Variants in LRRC17 observed in about 807,000 individuals in gnomAD.
The protein encoded by LRRC17 is leucine rich repeat containing 17.
In LRRC17, 33 loss-of-function variants were observed where a neutral mutation model predicts 41.5. That is an observed-to-expected ratio of 0.80 (90% confidence interval 0.60 to 1.06). The LOEUF (loss-of-function observed/expected upper bound fraction) is 1.06. Ranked by LOEUF, LRRC17 falls within the 50% of genes least tolerant of loss-of-function variation. The pLI is 0.00. For missense variants in LRRC17, 491 were observed against 519.3 expected (o/e 0.95, Z 0.53); for synonymous variants, 192 against 197.0 (o/e 0.97, Z 0.21).
chr7:102,926,541 CCAATG>C (rs1818170437), intron 1 of LRRC17, among the ~76,000 whole-genome samples: 2 of 152,142 alleles, frequency 1.3e-5, no homozygotes, highest in South Asian at 4.1e-4. Context: ...TAAATAGAAG[CCAATG>C]CTTTTGCTCA....
intron 1 of LRRC17, among the ~76,000 whole-genome samples, chr7:102,913,685 C>T (rs1247817760): frequency 6.6e-6 from 1 of 152,096 alleles, no homozygotes; most frequent in Non-Finnish European, 1.5e-5. Context: ...GGATTTGGGA[C>T]AGAAGGCAAA....
rs1053507873 is a variant in LRRC17 at position 102,944,135 on chromosome 7, G to A, written c.929-75G>A. On this transcript the variant is annotated intron_variant, in intron 3 of 3. Coordinates refer to ENST00000339431, the MANE Select transcript of LRRC17 (RefSeq NM_001031692.3). ...AAAATTAAGCCTCTTTTTAAAATTT[G>A]TATTTGTCCTTTCCATATGCCATAC... 9.0e-5 allele frequency: 104 copies of A among 1,154,144 alleles called. 1 individual carries two copies. The highest frequency in any genetic ancestry group is 1.2e-4 in the Non-Finnish European group (103 of 840,638). The allele number at this position is 1,154,144 out of a possible 1,614,324, so 71.5% of individuals were successfully genotyped here.
intron 1 of LRRC17, among the ~76,000 whole-genome samples, chr7:102,924,235 T>A (rs1817629188): frequency 7.1e-6 from 1 of 141,304 alleles, no homozygotes. Context: ...CAAAACTCCG[T>A]CTCAAAAAAA....
At chr7:102,925,947 A>C (rs1279225364) in intron 1 of LRRC17, among the ~76,000 whole-genome samples, 5 of 151,920 alleles carry the variant, frequency 3.3e-5, no homozygotes, top group African/African-American at 1.2e-4. Flanking sequence ...TCTCAAAAAA[A>C]AAAAAAAAAA....
intron 1 of LRRC17, among the ~76,000 whole-genome samples, chr7:102,916,517 C>G (rs1435303707): frequency 6.6e-6 from 1 of 152,138 alleles, no homozygotes; most frequent in African/African-American, 2.4e-5. Flanking sequence ...TTGGGTGGCC[C>G]TGTAGGCCTT....
chr7:102,913,541 G>A (rs978242386), intron 1 of LRRC17, among the ~76,000 whole-genome samples: 1 of 152,132 alleles, frequency 6.6e-6, no homozygotes, highest in African/African-American at 2.4e-5. Context: ...CATATTGTTT[G>A]GAAGTGAAAC....
In LRRC17 at chr7:102,944,309, A is replaced by G; in HGVS notation, c.1028A>G (p.Lys343Arg). Residue 343 changes from lysine to arginine, a missense_variant, in exon 4 of 4, where the codon AAA becomes AGA. Lys to Arg is a conservative substitution (Grantham distance 26). Transcript: ENST00000339431. ...GTATTAGAAGACTTGTATTTTTTGAAACTCTTGTGGCTCAGAGATAACCCT... is the reference window on the plus strand; with the variant it reads ...GTATTAGAAGACTTGTATTTTTTGAGACTCTTGTGGCTCAGAGATAACCCT... The part of the protein sequence containing the change: ...YGVLEDLYFL[K>R]LLWLRDNPWR... 1 of 1,613,992 alleles carries G rather than the reference A, an allele frequency of 6.2e-7. No individual in the cohort carries two copies. The highest frequency in any genetic ancestry group is 8.5e-7 in the Non-Finnish European group (1 of 1,179,942).
intron 1 of LRRC17, among the ~76,000 whole-genome samples, chr7:102,922,544 G>A (rs888114222): frequency 6.6e-6 from 1 of 151,956 alleles, no homozygotes; most frequent in African/African-American, 2.4e-5. Flanking sequence ...TGTGTAGCAC[G>A]CAACTTACAA....
chr7:102,942,144 C>G, intron 3 of LRRC17: 1 of 549,608 alleles, frequency 1.8e-6, no homozygotes, highest in Non-Finnish European at 3.3e-6. Flanking sequence ...GAACGTATTT[C>G]CTACATTAAT....
intron 3 of LRRC17, among the ~76,000 whole-genome samples, chr7:102,941,904 G>A (rs551678906): frequency 6.6e-6 from 1 of 152,290 alleles, no homozygotes; most frequent in East Asian, 1.9e-4. Context: ...AGATAATAGT[G>A]TAAAATGGAC....
At chr7:102,934,738 G>A in intron 2 of LRRC17, 53 bp downstream of exon 2, 2 of 1,441,768 alleles carry the variant, frequency 1.4e-6, no homozygotes, top group South Asian at 2.7e-5. Context: ...AATGCTCTTT[G>A]AATCTTATAA....
intron 3 of LRRC17, among the ~76,000 whole-genome samples, chr7:102,943,614 CAA>C (rs1219492495): frequency 6.6e-6 from 1 of 152,160 alleles, no homozygotes; most frequent in Non-Finnish European, 1.5e-5. Flanking sequence ...TAAGAGACTG[CAA>C]AGACTCTCGC....
At chr7:102,934,796 C>T in intron 2 of LRRC17, 111 bp downstream of exon 2, 1 of 984,990 alleles carries the variant, frequency 1.0e-6, no homozygotes, top group Non-Finnish European at 1.5e-6. Context: ...GTCACTTCCA[C>T]CAGAAATCCT....
Position 102,933,943 on chromosome 7 carries a change from C to T in LRRC17, c.30C>T (p.Leu10=). 1 of 1,612,002 alleles carries T rather than the reference C, an allele frequency of 6.2e-7. No homozygotes were observed. Among genetic ancestry groups the T allele is most frequent in the East Asian group, 2.2e-5 (1 of 44,808 alleles). Residue 10 remains leucine (L), a synonymous_variant, in exon 2 of 4, where the codon CTC becomes CTT. Transcript: ENST00000339431. The part of the protein sequence containing the change: MRVVTIVIL[L]CFCKAAELRK... ...GTGTGGTTACCATTGTAATCTTGCT[C>T]TGCTTTTGCAAAGCGGCTGAGCTGC...
intron 3 of LRRC17, among the ~76,000 whole-genome samples, chr7:102,940,663 A>C (rs1821245463): frequency 6.6e-6 from 1 of 152,260 alleles, no homozygotes; most frequent in Non-Finnish European, 1.5e-5. Flanking sequence ...GACATATTAT[A>C]TCTAGTTCTA....
At position 102,944,264 on chromosome 7, in the gene LRRC17, T is replaced by G. The variant is rs1250759442; in HGVS notation, c.983T>G (p.Leu328Arg). ...GAATTAGATTTATCAAACAACAGTCTGCAAAACTTTGACTATGGCGTATTA... is the reference window on the plus strand; with the variant it reads ...GAATTAGATTTATCAAACAACAGTCGGCAAAACTTTGACTATGGCGTATTA... ...LEELDLSNNS[L>R]QNFDYGVLED... The change falls in exon 4 of 4, where the codon CTG becomes CGG. Residue 328 changes from leucine (L) to arginine (R), a missense_variant. Physicochemically the swap from Leu to Arg is moderately radical, Grantham distance 102. Transcript: ENST00000339431. The G allele has an allele frequency of 4.3e-6, 7 of 1,613,098 alleles. No individual in the cohort carries two copies. Among genetic ancestry groups the G allele is most frequent in the African/African-American group, 1.3e-5 (1 of 74,894 alleles).
At chr7:102,914,113 T>C (rs1435361251) in intron 1 of LRRC17, among the ~76,000 whole-genome samples, 1 of 152,026 alleles carries the variant, frequency 6.6e-6, no homozygotes, top group African/African-American at 2.4e-5. Flanking sequence ...CCAGCTGGAG[T>C]ACAATGGTGA....
At chr7:102,921,915 G>C (rs1197249721) in intron 1 of LRRC17, among the ~76,000 whole-genome samples, 4 of 152,036 alleles carry the variant, frequency 2.6e-5, no homozygotes, top group African/African-American at 9.7e-5. Flanking sequence ...TCAAGTCCAG[G>C]CATGGTGGCT....
At chr7:102,929,471 G>A (rs1476856674) in intron 1 of LRRC17, among the ~76,000 whole-genome samples, 1 of 151,996 alleles carries the variant, frequency 6.6e-6, no homozygotes, top group Admixed American at 6.6e-5. Flanking sequence ...AGACCAGCCT[G>A]TCCAACATGG....
Sources: allele counts gnomAD v4.1 joint callset (sites outside exome capture counted in the v4.1 genomes callset), GRCh38; gene constraint gnomAD v4.1.1; transcripts MANE v1.5; gene names NCBI Gene and HGNC (gene_info 2026-07-23, HGNC 2026-07-21).